Variants in CREB3L2 observed in about 807,000 individuals in gnomAD.
CREB3L2 encodes the protein cyclic AMP-responsive element-binding protein 3-like protein 2.
CREB3L2 carries 23 observed loss-of-function variants against 57.2 expected under a neutral mutation model. The ratio of observed to expected loss-of-function variants is 0.40; its 90% CI spans 0.29 to 0.57. The LOEUF (loss-of-function observed/expected upper bound fraction) is 0.57. Ranked by LOEUF, CREB3L2 falls within the 20% of genes least tolerant of loss-of-function variation. CREB3L2 has a pLI of 0.42. For synonymous variants in CREB3L2, 268 were observed against 265.1 expected, an observed-to-expected ratio of 1.01 and a Z score of -0.11; for missense variants, 628 against 634.7, an observed-to-expected ratio of 0.99 and a Z score of 0.11.
rs66931280 is a variant in CREB3L2 at position 137,969,761 on chromosome 7, A to AACACACACACACACACACACAC, written c.102+31821_102+31842dup. 6.5e-4 allele frequency among the ~76,000 whole-genome samples: 67 copies of AACACACACACACACACACACAC among 103,656 alleles called. 1 individual carries two copies. The highest frequency in any genetic ancestry group is 1.9e-3 in the African/African-American group (65 of 34,916). 68.0% of individuals were successfully genotyped at this position (103,656 alleles called of 152,430 possible). ...CTCAACTAACTTTCAAGGGTCATCA[A>AACACACACACACACACACACAC]ACACACACACACACACACACACACA... On this transcript the variant is annotated intron_variant, in intron 1 of 11. Coordinates refer to ENST00000330387, the MANE Select transcript of CREB3L2 (RefSeq NM_194071.4).
In CREB3L2 at chr7:137,908,239, G is replaced by A. The variant is rs1158642267; in HGVS notation, c.768+13C>T. On this transcript the variant is annotated intron_variant, in intron 5 of 11. Coordinates refer to ENST00000330387, the MANE Select transcript of CREB3L2 (RefSeq NM_194071.4). ...GGTTCCCTTTGGTCCAGGAATGCCC[G>A]CTGCATACTTACATGAGGAGCCGTG... 32 of 1,254,740 alleles carry A rather than the reference G, an allele frequency of 2.6e-5. No homozygotes were observed. The highest frequency in any genetic ancestry group is 6.0e-4 in the Middle Eastern group (2 of 3,322). 77.7% of individuals were successfully genotyped at this position (1,254,740 alleles called of 1,614,324 possible). A position where few individuals can be genotyped will look rare whatever the true frequency, so the allele number is the denominator to read the frequency against.
intron 1 of CREB3L2, among the ~76,000 whole-genome samples, chr7:137,952,514 A>AG (rs1170947375): frequency 1.3e-5 from 2 of 152,184 alleles, no homozygotes; most frequent in African/African-American, 4.8e-5. Context: ...TGCATTTGCC[A>AG]GTCTGTGAAA....
intron 3 of CREB3L2, among the ~76,000 whole-genome samples, chr7:137,914,449 T>C (rs1438196666): frequency 6.6e-6 from 1 of 152,076 alleles, no homozygotes; most frequent in East Asian, 1.9e-4. Context: ...GTGGCCAACA[T>C]GGTAAAACCC....
intron 2 of CREB3L2, among the ~76,000 whole-genome samples, chr7:137,922,370 C>CTATATA (rs201270472): frequency 9.9e-6 from 1 of 100,760 alleles, no homozygotes; most frequent in Non-Finnish European, 1.9e-5. Flanking sequence ...TTCTGGTTTA[C>CTATATA]TATATATATA....
At chr7:137,991,306 G>A (rs1022263567) in intron 1 of CREB3L2, among the ~76,000 whole-genome samples, 2 of 151,694 alleles carry the variant, frequency 1.3e-5, no homozygotes, top group African/African-American at 4.9e-5. Context: ...TGGGACTACA[G>A]GCACCCACCA....
At chr7:137,894,328 G>T (rs540123065) in intron 8 of CREB3L2, among the ~76,000 whole-genome samples, 6 of 152,296 alleles carry the variant, frequency 3.9e-5, no homozygotes, top group African/African-American at 7.2e-5. Flanking sequence ...ATACATATAT[G>T]CTGCTGCTCA....
Position 137,908,728 on chromosome 7 carries a change from C to T in CREB3L2, c.584-292G>A, listed in dbSNP as rs577361060. Among the ~76,000 whole-genome samples, 184 of 152,256 alleles carry T rather than the reference C, an allele frequency of 1.2e-3. 1 individual carries two copies. The highest frequency in any genetic ancestry group is 4.2e-3 in the African/African-American group (174 of 41,546). On this transcript the variant is annotated intron_variant, in intron 4 of 11. Coordinates refer to ENST00000330387, the MANE Select transcript of CREB3L2 (RefSeq NM_194071.4). Reference sequence around the variant, plus strand: ...GTGGCTCATGGCTGTAATCCCAGCACTTTGGGAGGCTGAGGTGGGCAGATC... The same window carrying T: ...GTGGCTCATGGCTGTAATCCCAGCATTTTGGGAGGCTGAGGTGGGCAGATC...
chr7:137,987,248 T>A (rs903693591), intron 1 of CREB3L2, among the ~76,000 whole-genome samples: 1 of 152,156 alleles, frequency 6.6e-6, no homozygotes, highest in Non-Finnish European at 1.5e-5. Context: ...CTAGATCCCA[T>A]CTCTTTCCAA....
intron 1 of CREB3L2, among the ~76,000 whole-genome samples, chr7:137,971,224 G>T (rs1224558937): frequency 6.6e-6 from 1 of 152,146 alleles, no homozygotes; most frequent in East Asian, 1.9e-4. Flanking sequence ...GCCAAGAAGG[G>T]CGGATCACGA....
intron 1 of CREB3L2, among the ~76,000 whole-genome samples, chr7:137,967,576 T>C (rs1454932632): frequency 6.6e-6 from 1 of 152,130 alleles, no homozygotes; most frequent in Admixed American, 6.5e-5. Flanking sequence ...TCCGGATGAC[T>C]CAGCCGCAAG....
chr7:137,912,671 T>C, intron 4 of CREB3L2: 2 of 635,110 alleles, frequency 3.1e-6, no homozygotes, highest in Non-Finnish European at 5.4e-6. Flanking sequence ...CCTGGATGAA[T>C]AAGGGCTGCA....
chr7:137,894,508 C>T (rs1416198113), intron 8 of CREB3L2, among the ~76,000 whole-genome samples: 2 of 152,164 alleles, frequency 1.3e-5, no homozygotes, highest in African/African-American at 2.4e-5. Flanking sequence ...TCTCTGTCTA[C>T]CCCATTGGCT....
In CREB3L2 at chr7:137,995,310, A is replaced by C. The variant is rs144393380; in HGVS notation, c.102+6294T>G. On this transcript the variant is annotated intron_variant, in intron 1 of 11. Coordinates refer to ENST00000330387, the MANE Select transcript of CREB3L2 (RefSeq NM_194071.4). ...GCTGAATCAGCCAACAAGGAGCTCT[A>C]TTTCTTTTTTTTTCTTTTCTTTCTT... 1.9e-3 allele frequency among the ~76,000 whole-genome samples: 165 copies of C among 84,732 alleles called. 1 individual carries two copies. The highest frequency in any genetic ancestry group is 3.5e-3 in the Non-Finnish European group (135 of 38,460). 55.6% of individuals were successfully genotyped at this position (84,732 alleles called of 152,430 possible).
chr7:137,955,263 G>T (rs1349083193), intron 1 of CREB3L2: 1 of 1,288,814 alleles, frequency 7.8e-7, no homozygotes, highest in Non-Finnish European at 1.0e-6. Context: ...GAAAAAGCAC[G>T]TGTTCACAGA....
At position 138,001,625 on chromosome 7, in the gene CREB3L2, G is replaced by C. The variant is rs1180564698; in HGVS notation, c.81C>G (p.Gly27=). The change falls in exon 1 of 12, where the codon GGC becomes GGG. Residue 27 remains glycine, a synonymous_variant. Coordinates refer to ENST00000330387, the MANE Select transcript of CREB3L2 (RefSeq NM_194071.4). The surrounding 1 kb of genome is among the most constrained non-coding windows in gnomAD (Gnocchi z 4.2). ...KLSELSEPGD[G]EALMYHTHFS... ...TCACCGTGTGGTACATGAGGGCCTC[G>C]CCGTCCCCGGGCTCTGACAGCTCGC... 6 of 1,613,032 alleles carry C rather than the reference G, an allele frequency of 3.7e-6. No homozygotes were observed. The highest frequency in any genetic ancestry group is 2.2e-5 in the East Asian group (1 of 44,832).
chr7:137,975,663 A>G lies in CREB3L2; in HGVS notation c.102+25941T>C, dbSNP rs189734894. On this transcript the variant is annotated intron_variant, in intron 1 of 11. Coordinates refer to ENST00000330387, the MANE Select transcript of CREB3L2 (RefSeq NM_194071.4). ...CTCCTAGATGCTCTCTGCGTCTTCC[A>G]GCACCTCAACATCCAATTGTAAAAT... is the stretch of plus-strand genomic sequence containing the variant. Among the ~76,000 whole-genome samples, 377 of 152,308 alleles carry G rather than the reference A, an allele frequency of 2.5e-3. 1 individual carries two copies. Among genetic ancestry groups the G allele is most frequent in the African/African-American group, 8.8e-3 (367 of 41,568 alleles).
intron 1 of CREB3L2, among the ~76,000 whole-genome samples, chr7:137,992,974 G>A (rs1343721950): frequency 6.6e-6 from 1 of 152,230 alleles, no homozygotes; most frequent in Non-Finnish European, 1.5e-5. Flanking sequence ...AAACCTGGCA[G>A]TAAACAAGAG....
chr7:137,875,729 T>C lies in CREB3L2; in HGVS notation c.*4747A>G. ...GCATTTCCCATATTACTTAGTTCTT[T>C]ATTCATCCTGTGGTAAAGAGTCACC... is the stretch of plus-strand genomic sequence containing the variant. On this transcript the variant is annotated 3_prime_UTR_variant, in exon 12 of 12. Coordinates refer to ENST00000330387, the MANE Select transcript of CREB3L2 (RefSeq NM_194071.4). The C allele has an allele frequency of 4.5e-6, 1 of 223,230 alleles. No homozygotes were observed. The highest frequency in any genetic ancestry group is 5.7e-5 in the Admixed American group (1 of 17,468). 13.8% of individuals were successfully genotyped at this position (223,230 alleles called of 1,614,324 possible).
chr7:137,968,664 G>C (rs571006911), intron 1 of CREB3L2, among the ~76,000 whole-genome samples: 2 of 152,234 alleles, frequency 1.3e-5, no homozygotes, highest in South Asian at 4.1e-4. Flanking sequence ...AGTGGAGCTG[G>C]CCACTCTTGT....
Sources: gnomAD v4.1 joint callset for allele counts (sites outside exome capture counted in the v4.1 genomes callset) on GRCh38, gnomAD v4.1.1 for gene constraint, Gnocchi (gnomAD v3.1) non-coding constraint, MANE v1.5 for transcripts, NCBI Gene and HGNC (gene_info 2026-07-23, HGNC 2026-07-21) for gene names.